The following ZC3H7A variants were observed in gnomAD, a reference collection of about 807,000 sequenced individuals.
ZC3H7A encodes zinc finger CCCH-type containing 7A.
ZC3H7A carries 44 observed loss-of-function variants against 125.5 expected under a neutral mutation model. The ratio of observed to expected loss-of-function variants is 0.35; its 90% confidence interval spans 0.28 to 0.45. The LOEUF (loss-of-function observed/expected upper bound fraction) is 0.45, where lower values mean the gene tolerates loss of function less well. Among genes scored for constraint, ZC3H7A ranks in the 20% least tolerant of loss-of-function variants. The pLI is 1.00. For synonymous variants in ZC3H7A, 399 were observed against 391.2 expected, an observed-to-expected ratio of 1.02 and a Z score of -0.23; for missense variants, 977 against 1,170.7, an observed-to-expected ratio of 0.83 and a Z score of 2.41.
chr16:11,765,965 T>A lies in ZC3H7A; in HGVS notation c.1523-280A>T, dbSNP rs1259093912. On this transcript the variant is annotated intron_variant, in intron 13 of 22. Coordinates refer to ENST00000355758, the MANE Select transcript of ZC3H7A (RefSeq NM_014153.4). The surrounding 1 kb of genome is among the most constrained non-coding windows in gnomAD (Gnocchi z 4.8). ...CTTGTCTAACAATTCATGGACAGCCTCAAACAATGATATGCATATTATCTG... is the reference window on the plus strand; with the variant it reads ...CTTGTCTAACAATTCATGGACAGCCACAAACAATGATATGCATATTATCTG... Among the ~76,000 whole-genome samples the A allele has an allele frequency of 6.6e-6, 1 of 152,142 alleles. No homozygotes were observed. The highest frequency in any genetic ancestry group is 2.4e-5 in the African/African-American group (1 of 41,430).
intron 19 of ZC3H7A, among the ~76,000 whole-genome samples, chr16:11,760,137 A>AAAAAAAAAAAAAAAAG (rs1555493879): frequency 1.7e-4 from 23 of 137,716 alleles, no homozygotes; most frequent in Non-Finnish European, 2.3e-4. Context: ...AAAAAAAAAA[A>AAAAAAAAAAAAAAAAG]AAAAAAAAGA....
chr16:11,761,664 T>C (rs1311137362), intron 18 of ZC3H7A, 153 bp from the exon 19 acceptor site: 5 of 860,994 alleles, frequency 5.8e-6, no homozygotes, highest in Non-Finnish European at 8.8e-6. Flanking sequence ...TTTCACTTCC[T>C]ATTGTCATTT....
At chr16:11,781,588 T>A in intron 2 of ZC3H7A, 124 bp from the exon 3 acceptor site, 1 of 822,712 alleles carries the variant, frequency 1.2e-6, no homozygotes, top group Non-Finnish European at 2.0e-6. Context: ...TTTCAAAGAC[T>A]TCCTCCTCCT....
At chr16:11,761,608 A>C in intron 18 of ZC3H7A, 97 bp from the exon 19 acceptor site, 1 of 1,284,184 alleles carries the variant, frequency 7.8e-7, no homozygotes, top group Non-Finnish European at 1.1e-6. Context: ...GAACCAGAGA[A>C]TTTTTTTCTC....
At chr16:11,796,834 CAAA>C (rs929459141) in intron 1 of ZC3H7A, 1 of 151,494 alleles carries the variant, frequency 6.6e-6, no homozygotes, top group Admixed American at 6.6e-5. Context: ...GTGAAATCAC[CAAA>C]AAGGAGACAT....
At chr16:11,792,583 T>A (rs2053371599) in intron 1 of ZC3H7A, among the ~76,000 whole-genome samples, 1 of 152,272 alleles carries the variant, frequency 6.6e-6, no homozygotes, top group African/African-American at 2.4e-5. Context: ...ATAGTAGCTC[T>A]TACTGGACTC....
At chr16:11,767,146 T>A (rs886369218) in intron 13 of ZC3H7A, among the ~76,000 whole-genome samples, 2 of 152,200 alleles carry the variant, frequency 1.3e-5, no homozygotes, top group African/African-American at 2.4e-5. Flanking sequence ...TCCTGTACCT[T>A]TCCTATGTTT....
intron 1 of ZC3H7A, among the ~76,000 whole-genome samples, chr16:11,789,013 T>C (rs1031215700): frequency 3.3e-5 from 5 of 152,036 alleles, no homozygotes; most frequent in Non-Finnish European, 5.9e-5. Context: ...CACACACACA[T>C]ACACACACAG....
intron 2 of ZC3H7A, 26 bp from the exon 3 acceptor site, chr16:11,781,490 T>C: frequency 6.2e-7 from 1 of 1,600,978 alleles, no homozygotes; most frequent in Non-Finnish European, 8.5e-7. Flanking sequence ...AAATTAACTG[T>C]AATTATCAAG....
intron 15 of ZC3H7A, among the ~76,000 whole-genome samples, chr16:11,764,782 T>G: frequency 6.6e-6 from 1 of 151,144 alleles, no homozygotes; most frequent in African/African-American, 2.4e-5. Flanking sequence ...TTGGGGGGGG[T>G]ACTTATATTT....
intron 9 of ZC3H7A, among the ~76,000 whole-genome samples, chr16:11,773,657 T>C (rs1596392293): frequency 1.3e-5 from 2 of 151,608 alleles, no homozygotes; most frequent in African/African-American, 4.9e-5. Context: ...CCGAGGCGGG[T>C]GGATCACGAG....
At chr16:11,762,642 A>C in intron 17 of ZC3H7A, 29 bp downstream of exon 17, 1 of 1,609,602 alleles carries the variant, frequency 6.2e-7, no homozygotes, top group Non-Finnish European at 8.5e-7. Context: ...AAGGACACCA[A>C]ATGCAGAAAG....
chr16:11,761,374 T>TA (rs762553234), intron 19 of ZC3H7A, 32 bp downstream of exon 19: 1 of 1,599,862 alleles, frequency 6.3e-7, no homozygotes. Context: ...ATGCCTAATT[T>TA]AAAAAAAGTG....
At chr16:11,774,103 A>G (rs967573040) in intron 9 of ZC3H7A, 133 bp downstream of exon 9, 6 of 853,164 alleles carry the variant, frequency 7.0e-6, no homozygotes, top group African/African-American at 3.5e-5. Flanking sequence ...GAAGAAAAAA[A>G]GTAACTTTCA....
intron 10 of ZC3H7A, among the ~76,000 whole-genome samples, chr16:11,769,664 T>C (rs2052935699): frequency 8.1e-6 from 1 of 123,938 alleles, no homozygotes; most frequent in South Asian, 2.8e-4. Flanking sequence ...TGAGCCAAGA[T>C]TTCGCCACTG....
At chr16:11,752,548 G>C in intron 22 of ZC3H7A, 121 bp downstream of exon 22, 1 of 1,242,872 alleles carries the variant, frequency 8.0e-7, no homozygotes, top group South Asian at 1.6e-5. Flanking sequence ...AATCCTTCAG[G>C]GTCTGTCAGA....
At chr16:11,790,079 C>CAAAAAAAA in intron 1 of ZC3H7A, among the ~76,000 whole-genome samples, 1 of 73,552 alleles carries the variant, frequency 1.4e-5, no homozygotes, top group Non-Finnish European at 2.7e-5. Context: ...GACTCCATCT[C>CAAAAAAAA]AAAAAAAAAA....
chr16:11,754,994 G>A (rs1184664018), intron 21 of ZC3H7A, among the ~76,000 whole-genome samples: 2 of 151,030 alleles, frequency 1.3e-5, no homozygotes, highest in African/African-American at 2.4e-5. Context: ...TGGATCACAA[G>A]CTCAGGAGTT....
In ZC3H7A at chr16:11,767,650, G is replaced by A. The variant is rs1019201113; in HGVS notation, c.1361-72C>T. 2.1e-6 allele frequency: 3 copies of A among 1,408,464 alleles called. No homozygotes were observed. In the Admixed American group the frequency reaches 7.3e-5, roughly 34 times the overall value. The allele number at this position is 1,408,464 out of a possible 1,614,324, so 87.2% of individuals were successfully genotyped here. On this transcript the variant is annotated intron_variant, in intron 12 of 22. Transcript: ENST00000355758. ...TTTCATTTTACAGGTAAATTTACAAGCAGACATGAACAGATGAACATCAAT... is the reference window on the plus strand; with the variant it reads ...TTTCATTTTACAGGTAAATTTACAAACAGACATGAACAGATGAACATCAAT...
Sources: gnomAD v4.1 joint callset for allele counts (sites outside exome capture counted in the v4.1 genomes callset) on GRCh38, gnomAD v4.1.1 for gene constraint, Gnocchi (gnomAD v3.1) non-coding constraint, MANE v1.5 for transcripts, NCBI Gene and HGNC (gene_info 2026-07-23, HGNC 2026-07-21) for gene names.